The following FAM216A variants were observed in gnomAD, a reference collection of about 807,000 sequenced individuals.
FAM216A encodes protein FAM216A.
In FAM216A, 26 loss-of-function variants were observed where a neutral mutation model predicts 37.6. That is an observed-to-expected ratio of 0.69 (90% CI 0.51 to 0.96). The LOEUF is 0.96. FAM216A is among the 40% of genes least tolerant of loss of function. The pLI is 0.00. For missense variants in FAM216A, 326 were observed against 339.3 expected (o/e 0.96, Z 0.31); for synonymous variants, 110 against 121.7 (o/e 0.90, Z 0.64).
chr12:110,468,475 A>C (rs1330153764), upstream of FAM216A: 133 of 1,536,992 alleles, frequency 8.7e-5, no homozygotes, highest in Non-Finnish European at 1.1e-4. Context: ...TGGATACCTG[A>C]GTAATAACGG....
chr12:110,487,137 AC>A (rs751254637), intron 5 of FAM216A: 258 of 154,820 alleles, frequency 1.7e-3, no homozygotes, highest in Middle Eastern at 6.7e-3. Flanking sequence ...AAGCAGAGAT[AC>A]TTTTTTTTTT....
chr12:110,468,912 C>T lies in FAM216A; in HGVS notation c.37C>T (p.Leu13Phe). The T allele has an allele frequency of 6.6e-7, 1 of 1,521,838 alleles. No homozygotes were observed. The highest frequency in any genetic ancestry group is 8.8e-7 in the Non-Finnish European group (1 of 1,137,240). The allele number at this position is 1,521,838 out of a possible 1,614,324, so 94.3% of individuals were successfully genotyped here. A position where few individuals can be genotyped will look rare whatever the true frequency, so the allele number is the denominator to read the frequency against. The change falls in exon 1 of 7, where the codon CTC becomes TTC. Residue 13 changes from leucine (L) to phenylalanine (F), a missense_variant. By Grantham distance (22) the Leu-to-Phe change is conservative. Transcript: ENST00000377673. The part of the protein sequence containing the change: ...GQLLPHTARG[L>F]GAAEMPGQGP... ...GCTGCTCCCGCACACGGCTCGCGGT[C>T]TCGGCGCCGCGGAGATGCCCGGCCA...
intron 2 of FAM216A, among the ~76,000 whole-genome samples, chr12:110,481,491 T>C (rs1348286294): frequency 3.3e-5 from 5 of 151,540 alleles, no homozygotes; most frequent in African/African-American, 1.2e-4. Flanking sequence ...ATTACAGGGG[T>C]GTGACACCAT....
chr12:110,470,522 G>A (rs1257493260), intron 1 of FAM216A, among the ~76,000 whole-genome samples: 2 of 150,392 alleles, frequency 1.3e-5, no homozygotes, highest in Non-Finnish European at 1.5e-5. Flanking sequence ...CTGTCACCCA[G>A]GCTGGAGTGC....
rs549441677 is a variant in FAM216A, at chr12:110,486,426, C to A, written c.408C>A (p.His136Gln). 1.1e-5 allele frequency: 18 copies of A among 1,613,790 alleles called. No homozygotes were observed. The South Asian group carries it at 2.0e-4, about 18-fold the overall frequency. Residue 136 changes from histidine (H) to glutamine (Q), a missense_variant, in exon 4 of 7, where the codon CAC becomes CAA. Transcript: ENST00000377673. ...TGTTAATGAAGAGGCAGTACATGCA[C>A]GTACTTCAGCACAGCTCACAAAAGC... ...LKMLMKRQYM[H>Q]VLQHSSQKPG...
upstream of FAM216A, chr12:110,468,507 C>T: frequency 6.5e-7 from 1 of 1,537,286 alleles, no homozygotes; most frequent in Non-Finnish European, 8.7e-7. Flanking sequence ...AGCTCCGCAT[C>T]CTTGCGCCAC....
At chr12:110,470,475 AT>A (rs560103990) in intron 1 of FAM216A, among the ~76,000 whole-genome samples, 10,938 of 135,838 alleles carry the variant, frequency 0.081, 814 homozygotes, top group African/African-American at 0.2. Flanking sequence ...AGATACGTGA[AT>A]TTTTTTTTTT....
chr12:110,484,406 G>C (rs112604092), intron 2 of FAM216A, among the ~76,000 whole-genome samples: 2 of 124,290 alleles, frequency 1.6e-5, no homozygotes, highest in Non-Finnish European at 3.2e-5. Flanking sequence ...CAGCCTGGGG[G>C]ACACAGAGAG....
chr12:110,468,427 A>G, upstream of FAM216A: 3 of 1,534,858 alleles, frequency 2.0e-6, no homozygotes, highest in Non-Finnish European at 2.6e-6. Context: ...GCGCAAAAGT[A>G]GTTGATGGAA....
chr12:110,489,461 G>T (rs552001289), intron 6 of FAM216A, among the ~76,000 whole-genome samples: 129 of 149,918 alleles, frequency 8.6e-4, no homozygotes, highest in Middle Eastern at 6.9e-3. Flanking sequence ...CCAAGATCGC[G>T]CCACTGCACT....
At chr12:110,484,877 T>G (rs558305255) in intron 2 of FAM216A, among the ~76,000 whole-genome samples, 1 of 152,224 alleles carries the variant, frequency 6.6e-6, no homozygotes, top group African/African-American at 2.4e-5. Context: ...ATTTTTTGTA[T>G]TTTTAGTAGA....
rs1395689287 is a variant in FAM216A at position 110,468,855 on chromosome 12, A to C, written c.-21A>C. On this transcript the variant is annotated 5_prime_UTR_variant, in exon 1 of 7. Coordinates refer to ENST00000377673, the MANE Select transcript of FAM216A (RefSeq NM_013300.3). ...CTCCGGAATACCAGCAGCCTGACGC[A>C]CGCGTGCTGTCGGGGGAGGGATGCT... 6.7e-7 allele frequency: 1 copy of C among 1,485,100 alleles called. No homozygotes were observed. The highest frequency in any genetic ancestry group is 9.0e-7 in the Non-Finnish European group (1 of 1,117,006). The allele number at this position is 1,485,100 out of a possible 1,614,324, so 92.0% of individuals were successfully genotyped here.
In FAM216A at chr12:110,490,035, T is replaced by C. The variant is rs1167253183; in HGVS notation, c.720T>C (p.Ser240=). 5 of 1,455,996 alleles carry C rather than the reference T, an allele frequency of 3.4e-6. No homozygotes were observed. Among genetic ancestry groups the C allele is most frequent in the Non-Finnish European group, 4.8e-6 (5 of 1,037,480 alleles). 90.2% of individuals were successfully genotyped at this position (1,455,996 alleles called of 1,614,324 possible). A position where few individuals can be genotyped will look rare whatever the true frequency, so the allele number is the denominator to read the frequency against. ...TTCCTTCAGTTTCTTCAGATGATTC[T>C]GAATCACACATGAGTGAAGAAAAAA... The part of the protein sequence containing the change: ...LFMQTVSSDD[S]ESHMSEEKKE... The change falls in exon 7 of 7, where the codon TCT becomes TCC. Residue 240 remains serine (S), a synonymous_variant. Transcript: ENST00000377673.
At chr12:110,472,997 AAAAAAAAT>A in intron 1 of FAM216A, 73 bp from the exon 2 acceptor site, 1 of 634,814 alleles carries the variant, frequency 1.6e-6, no homozygotes. Flanking sequence ...AAAAAAAAAA[AAAAAAAAT>A]TGAAATATGT....
At chr12:110,468,762 C>T, upstream of FAM216A, 1 of 1,475,526 alleles carries the variant, frequency 6.8e-7, no homozygotes, top group Non-Finnish European at 9.0e-7. Flanking sequence ...CCGCCCCGCT[C>T]TCCCGAAGCT....
chr12:110,470,014 T>C (rs954960749), intron 1 of FAM216A, among the ~76,000 whole-genome samples: 1 of 152,062 alleles, frequency 6.6e-6, no homozygotes, highest in African/African-American at 2.4e-5. Flanking sequence ...TCTCCCTACT[T>C]TATTCCCTAA....
chr12:110,471,120 A>G (rs1307205994), intron 1 of FAM216A, among the ~76,000 whole-genome samples: 1 of 151,686 alleles, frequency 6.6e-6, no homozygotes, highest in African/African-American at 2.4e-5. Context: ...TTTGAGATGG[A>G]GTCTCGCTCT....
In FAM216A at chr12:110,468,938, G is replaced by A. The variant is rs1446367626; in HGVS notation, c.63G>A (p.Gln21=). 3 of 1,523,738 alleles carry A rather than the reference G, an allele frequency of 2.0e-6. No homozygotes were observed. Among genetic ancestry groups the A allele is most frequent in the Non-Finnish European group, 2.6e-6 (3 of 1,138,614 alleles). The allele number at this position is 1,523,738 out of a possible 1,614,324, so 94.4% of individuals were successfully genotyped here. ...RGLGAAEMPG[Q]GPGSDWTERS... is the part of the protein sequence containing the mutation. ...TCGGCGCCGCGGAGATGCCCGGCCAGGGTCCGGGGTCCGACTGGACGGAGC... is the reference window on the plus strand; with the variant it reads ...TCGGCGCCGCGGAGATGCCCGGCCAAGGTCCGGGGTCCGACTGGACGGAGC... Residue 21 remains glutamine (Q), a synonymous_variant, in exon 1 of 7, where the codon CAG becomes CAA. Coordinates refer to ENST00000377673, the MANE Select transcript of FAM216A (RefSeq NM_013300.3).
At chr12:110,468,691 C>A (rs2062656562), upstream of FAM216A, 8 of 1,526,136 alleles carry the variant, frequency 5.2e-6, no homozygotes, top group Admixed American at 2.0e-5. Context: ...AACGTGCAAA[C>A]GCTCAGCGAC....
Sources: allele counts gnomAD v4.1 joint callset (sites outside exome capture counted in the v4.1 genomes callset), GRCh38; gene constraint gnomAD v4.1.1; transcripts MANE v1.5; gene names NCBI Gene and HGNC (gene_info 2026-07-23, HGNC 2026-07-21).